Variants in NRXN1 observed in about 807,000 individuals in gnomAD.
NRXN1 encodes neurexin-1.
NRXN1 carries 39 observed loss-of-function variants against 150.9 expected under a neutral mutation model. The observed-to-expected ratio is 0.26, with a 90% confidence interval of 0.20 to 0.34. The LOEUF (loss-of-function observed/expected upper bound fraction) is 0.34, where lower values mean the gene tolerates loss of function less well. NRXN1 is among the 10% of genes least tolerant of loss of function. NRXN1 has a pLI of 1.00. For synonymous variants in NRXN1, 924 were observed against 757.0 expected (o/e 1.22, Z -3.62); for missense variants, 1,815 against 1,949.9 (o/e 0.93, Z 1.30).
At chr2:50,934,620 C>G (rs998264148) in intron 2 of NRXN1, among the ~76,000 whole-genome samples, 2 of 152,086 alleles carry the variant, frequency 1.3e-5, no homozygotes, top group African/African-American at 4.8e-5. Context: ...TTCTATTGAG[C>G]GGTATTAACT....
At chr2:50,464,719 C>A (rs1374937160) in intron 17 of NRXN1, among the ~76,000 whole-genome samples, 3 of 151,804 alleles carry the variant, frequency 2.0e-5, no homozygotes, top group South Asian at 2.1e-4. Flanking sequence ...GTATGAAATT[C>A]TTTTATCATT....
intron 8 of NRXN1, among the ~76,000 whole-genome samples, chr2:50,572,370 T>C (rs1670789678): frequency 6.6e-6 from 1 of 152,206 alleles, no homozygotes; most frequent in African/African-American, 2.4e-5. Context: ...AATTATACTG[T>C]TTTGTTTTTT....
At chr2:50,984,917 C>A (rs569395966) in intron 2 of NRXN1, among the ~76,000 whole-genome samples, 434 of 152,180 alleles carry the variant, frequency 2.9e-3, no homozygotes, top group African/African-American at 0.01. Context: ...ATCTAGAACT[C>A]TTTTAGTTAC....
At chr2:50,752,484 T>G (rs1700709466) in intron 5 of NRXN1, among the ~76,000 whole-genome samples, 1 of 152,054 alleles carries the variant, frequency 6.6e-6, no homozygotes, top group African/African-American at 2.4e-5. Context: ...CAATGCTAAC[T>G]ATAGGATTTC....
At chr2:50,705,327 T>C (rs2352075) in intron 5 of NRXN1, among the ~76,000 whole-genome samples, 12,260 of 152,192 alleles carry the variant, frequency 0.081, 645 homozygotes, top group Non-Finnish European at 0.11. Flanking sequence ...TACGATTCTA[T>C]TGCTTTCAAT....
At chr2:50,172,358 A>G (rs1003188368) in intron 18 of NRXN1, among the ~76,000 whole-genome samples, 1 of 152,122 alleles carries the variant, frequency 6.6e-6, no homozygotes, top group Non-Finnish European at 1.5e-5. Flanking sequence ...CCTAACAACA[A>G]AAAAGACACA....
rs529791870 is a variant in NRXN1 at position 50,266,469 on chromosome 2, ACT to A, written c.3365-29501_3365-29500del. 1.6e-4 allele frequency among the ~76,000 whole-genome samples: 24 copies of A among 147,134 alleles called. No homozygotes were observed. In the South Asian group the frequency reaches 3.8e-3, roughly 23 times the overall value. On this transcript the variant is annotated intron_variant, in intron 17 of 22. Transcript: ENST00000401669. ...TATTATAATTATATATTATGATATAACTCTATAATATATATAATTTTTATATA... is the reference window on the plus strand; with the variant it reads ...TATTATAATTATATATTATGATATAACTATAATATATATAATTTTTATATA...
At chr2:50,624,154 C>T (rs1173195694) in intron 5 of NRXN1, among the ~76,000 whole-genome samples, 3 of 152,088 alleles carry the variant, frequency 2.0e-5, no homozygotes, top group East Asian at 1.9e-4. Flanking sequence ...AAATGTCCAA[C>T]AATGATAGAC....
At chr2:50,223,795 G>C (rs552321315) in intron 18 of NRXN1, among the ~76,000 whole-genome samples, 1 of 151,840 alleles carries the variant, frequency 6.6e-6, no homozygotes, top group Non-Finnish European at 1.5e-5. Context: ...TTTGGGGTGC[G>C]GGGGGAAAGA....
At chr2:50,298,515 G>A (rs1056582448) in intron 17 of NRXN1, among the ~76,000 whole-genome samples, 1 of 101,312 alleles carries the variant, frequency 9.9e-6, no homozygotes, top group Non-Finnish European at 2.0e-5. Flanking sequence ...TAGTACATCT[G>A]TAAATTTACA....
intron 21 of NRXN1, among the ~76,000 whole-genome samples, chr2:49,972,384 C>T (rs919592102): frequency 6.6e-6 from 1 of 152,084 alleles, no homozygotes; most frequent in Non-Finnish European, 1.5e-5. Flanking sequence ...AAAAGTTATT[C>T]TGTAAATGGC....
intron 17 of NRXN1, among the ~76,000 whole-genome samples, chr2:50,391,975 T>A (rs2081741030): frequency 6.6e-6 from 1 of 152,184 alleles, no homozygotes; most frequent in East Asian, 1.9e-4. Context: ...TAAACATCTC[T>A]GCAGATTAAT....
At chr2:50,365,480 G>A (rs1458632368) in intron 17 of NRXN1, among the ~76,000 whole-genome samples, 4 of 151,994 alleles carry the variant, frequency 2.6e-5, no homozygotes, top group African/African-American at 7.2e-5. Flanking sequence ...CTTATATGAC[G>A]TATGTTTAAG....
intron 2 of NRXN1, among the ~76,000 whole-genome samples, chr2:50,931,078 G>A (rs1687668615): frequency 6.6e-6 from 1 of 152,060 alleles, no homozygotes; most frequent in African/African-American, 2.4e-5. Context: ...ACATCCTTTG[G>A]CCTGTGTATT....
intron 18 of NRXN1, among the ~76,000 whole-genome samples, chr2:50,222,161 T>C (rs779351563): frequency 1.1e-4 from 17 of 151,966 alleles, no homozygotes; most frequent in Non-Finnish European, 1.8e-4. Context: ...CCCATAATAT[T>C]GTGAAGCCAC....
chr2:50,002,717 G>A (rs1418280886), intron 21 of NRXN1, among the ~76,000 whole-genome samples: 4 of 151,984 alleles, frequency 2.6e-5, no homozygotes, highest in African/African-American at 4.8e-5. Flanking sequence ...CGCCATTCCC[G>A]AGAAATAGAC....
intron 5 of NRXN1, among the ~76,000 whole-genome samples, chr2:50,901,321 G>T (rs533316129): frequency 6.6e-6 from 1 of 152,014 alleles, no homozygotes; most frequent in African/African-American, 2.4e-5. Flanking sequence ...GGATCACAAG[G>T]TCAGGAGATC....
chr2:50,714,435 C>T (rs191192237), intron 5 of NRXN1, among the ~76,000 whole-genome samples: 2 of 152,110 alleles, frequency 1.3e-5, no homozygotes, highest in Non-Finnish European at 2.9e-5. Context: ...GGTGCATGTC[C>T]AACATCAGGG....
At chr2:50,556,972 C>T (rs758246982) in intron 8 of NRXN1, among the ~76,000 whole-genome samples, 2 of 152,144 alleles carry the variant, frequency 1.3e-5, no homozygotes, top group Non-Finnish European at 2.9e-5. Flanking sequence ...GTCGATTGTT[C>T]CTGACCCCTT....
Sources: allele counts gnomAD v4.1 joint callset (sites outside exome capture counted in the v4.1 genomes callset), GRCh38; gene constraint gnomAD v4.1.1; transcripts MANE v1.5; gene names NCBI Gene and HGNC (gene_info 2026-07-23, HGNC 2026-07-21).